The following MNS1 variants were observed in gnomAD, a reference collection of about 807,000 sequenced individuals.
MNS1 encodes the protein meiosis-specific nuclear structural protein 1.
A neutral mutation model predicts 72.0 loss-of-function variants in MNS1; 63 were observed. The observed-to-expected ratio is 0.87, with a 90% CI of 0.71 to 1.08. MNS1 has a LOEUF of 1.08. Ranked by LOEUF, MNS1 falls within the 50% of genes least tolerant of loss-of-function variation. MNS1 has a pLI of 0.00. For synonymous variants in MNS1, 188 were observed against 172.1 expected (o/e 1.09, Z -0.72); for missense variants, 604 against 562.4 (o/e 1.07, Z -0.75).
intron 2 of MNS1, among the ~76,000 whole-genome samples, chr15:56,458,255 T>C (rs1367300408): frequency 6.6e-6 from 1 of 152,226 alleles, no homozygotes; most frequent in Non-Finnish European, 1.5e-5. Flanking sequence ...CAATGTTGTG[T>C]ATCTATCACC....
intron 3 of MNS1, among the ~76,000 whole-genome samples, chr15:56,449,025 G>A (rs1487267224): frequency 1.3e-5 from 2 of 152,112 alleles, no homozygotes; most frequent in Non-Finnish European, 2.9e-5. Context: ...AAAGTGCTGG[G>A]ATTAGAGGCA....
At chr15:56,430,777 A>G (rs907183349) in intron 9 of MNS1, among the ~76,000 whole-genome samples, 2 of 152,062 alleles carry the variant, frequency 1.3e-5, no homozygotes, top group African/African-American at 4.8e-5. Flanking sequence ...ACCAGTGACA[A>G]TGTTTTCATA....
intron 7 of MNS1, among the ~76,000 whole-genome samples, chr15:56,443,038 T>G (rs2050846292): frequency 6.6e-6 from 1 of 152,202 alleles, no homozygotes. Flanking sequence ...CTATGACATC[T>G]TCTAGATGAA....
intron 2 of MNS1, among the ~76,000 whole-genome samples, chr15:56,461,988 T>G (rs796066771): frequency 0.09 from 12,166 of 135,802 alleles, 1,258 homozygotes; most frequent in East Asian, 0.41. Flanking sequence ...TTTTTTTTTT[T>G]TTTTTTTTTT....
At chr15:56,456,363 A>G (rs1478106187) in intron 3 of MNS1, 31 bp downstream of exon 3, 7 of 1,583,804 alleles carry the variant, frequency 4.4e-6, no homozygotes, top group Non-Finnish European at 6.0e-6. Context: ...GATAAAGACT[A>G]AATAAATGAA....
At chr15:56,429,249 G>T in intron 9 of MNS1, 56 bp from the exon 10 acceptor site, 4 of 1,137,836 alleles carry the variant, frequency 3.5e-6, no homozygotes, top group Non-Finnish European at 2.6e-6. Context: ...TTCACTAAAT[G>T]CTTTTAAGAC....
chr15:56,461,239 G>T (rs1382657312), intron 2 of MNS1, among the ~76,000 whole-genome samples: 1 of 151,994 alleles, frequency 6.6e-6, no homozygotes, highest in African/African-American at 2.4e-5. Flanking sequence ...CACCGAGAAT[G>T]ATGTTTTATC....
chr15:56,463,986 C>G, intron 2 of MNS1, 40 bp downstream of exon 2: 1 of 1,528,024 alleles, frequency 6.5e-7, no homozygotes, highest in African/African-American at 1.4e-5. Flanking sequence ...TTCCAAGGTG[C>G]AAAATGAAAA....
intron 8 of MNS1, among the ~76,000 whole-genome samples, chr15:56,432,405 C>A (rs943572921): frequency 6.6e-6 from 1 of 152,050 alleles, no homozygotes; most frequent in Admixed American, 6.6e-5. Flanking sequence ...TAGAGGTAGA[C>A]AGAATTACAG....
Position 56,460,009 on chromosome 15 carries a change from A to AAAAATAT in MNS1, c.226-3489_226-3488insATATTTT. ...CTGTCTCAAAAAAAAAAAAAAAAAA[A>AAAAATAT]ATACATATATATATATATATATATA... On this transcript the variant is annotated intron_variant, in intron 2 of 9. Transcript: ENST00000260453. Among the ~76,000 whole-genome samples the AAAAATAT allele has an allele frequency of 5.7e-4, 15 of 26,388 alleles. 4 individuals are homozygous for AAAAATAT. The highest frequency in any genetic ancestry group is 9.1e-4 in the Non-Finnish European group (13 of 14,310). The allele number at this position is 26,388 out of a possible 152,430, so 17.3% of individuals were successfully genotyped here.
intron 5 of MNS1, 48 bp downstream of exon 5, chr15:56,444,396 T>C: frequency 2.0e-6 from 3 of 1,496,654 alleles, no homozygotes; most frequent in Non-Finnish European, 2.7e-6. Context: ...ACCTGTGATA[T>C]ATCTAAAGTA....
At chr15:56,446,964 AAATTT>A (rs1567152259) in intron 3 of MNS1, 21 bp from the exon 4 acceptor site, 3 of 1,542,128 alleles carry the variant, frequency 1.9e-6, no homozygotes, top group Non-Finnish European at 8.9e-7. Context: ...AAACAAAAAC[AAATTT>A]AAATGTTAGG....
In MNS1 at chr15:56,444,524, CTTT is replaced by C. The variant is rs549395315; in HGVS notation, c.603_605del (p.Lys202del). 3 of 1,511,610 alleles carry C rather than the reference CTTT, an allele frequency of 2.0e-6. No individual in the cohort carries two copies. Among genetic ancestry groups the C allele is most frequent in the Non-Finnish European group, 2.7e-6 (3 of 1,105,140 alleles). The allele number at this position is 1,511,610 out of a possible 1,614,324, so 93.6% of individuals were successfully genotyped here. ...TTAGCAGCTGCTCATAAGCTTCCTGCTTTTTTTTTTCTTGTTCTTCAAGTTGTT... is the reference window on the plus strand; with the variant it reads ...TTAGCAGCTGCTCATAAGCTTCCTGCTTTTTTTCTTGTTCTTCAAGTTGTT... On this transcript the variant is annotated inframe_deletion, in exon 5 of 10. Transcript: ENST00000260453.
At chr15:56,433,027 A>G (rs2050639608) in intron 8 of MNS1, among the ~76,000 whole-genome samples, 1 of 152,178 alleles carries the variant, frequency 6.6e-6, no homozygotes, top group South Asian at 2.1e-4. Flanking sequence ...ATGTATCCAA[A>G]GCCAAAAACT....
chr15:56,430,993 C>A (rs1420590200), intron 9 of MNS1, among the ~76,000 whole-genome samples: 1 of 152,070 alleles, frequency 6.6e-6, no homozygotes. Flanking sequence ...AAATCCTGTC[C>A]TTACCAAAAA....
chr15:56,443,410 T>C lies in MNS1; in HGVS notation c.1011+20A>G. The C allele has an allele frequency of 6.6e-7, 1 of 1,506,874 alleles. No individual in the cohort carries two copies. The highest frequency in any genetic ancestry group is 8.9e-7 in the Non-Finnish European group (1 of 1,118,980). The allele number at this position is 1,506,874 out of a possible 1,614,324, so 93.3% of individuals were successfully genotyped here. A position where few individuals can be genotyped will look rare whatever the true frequency, so the allele number is the denominator to read the frequency against. ...ATATTCTTCTCTACATTAATCATTC[T>C]TTCCATTTCTGAAACTTACTTTTAG... On this transcript the variant is annotated intron_variant, in intron 7 of 9. Coordinates refer to ENST00000260453, the MANE Select transcript of MNS1 (RefSeq NM_018365.4).
At chr15:56,437,807 T>A (rs1292369662) in intron 7 of MNS1, among the ~76,000 whole-genome samples, 4 of 152,156 alleles carry the variant, frequency 2.6e-5, no homozygotes. Flanking sequence ...TCACAAGCAT[T>A]CTTATACACC....
At chr15:56,443,571 A>G (rs1376383512) in intron 6 of MNS1, 34 bp from the exon 7 acceptor site, 2 of 1,580,072 alleles carry the variant, frequency 1.3e-6, no homozygotes, top group Non-Finnish European at 1.7e-6. Flanking sequence ...AAATATTTAT[A>G]GGATCCAAAT....
intron 2 of MNS1, among the ~76,000 whole-genome samples, chr15:56,462,190 G>A (rs1449913308): frequency 6.6e-6 from 1 of 151,616 alleles, no homozygotes; most frequent in African/African-American, 2.4e-5. Flanking sequence ...TCTTTACAGA[G>A]GAATTTCAGC....
Sources: allele counts gnomAD v4.1 joint callset (sites outside exome capture counted in the v4.1 genomes callset), GRCh38; gene constraint gnomAD v4.1.1; transcripts MANE v1.5; gene names NCBI Gene and HGNC (gene_info 2026-07-23, HGNC 2026-07-21).